UBE4B: variants seen among roughly 807,000 people sequenced by gnomAD.
UBE4B encodes ubiquitination factor E4B.
In UBE4B, 27 loss-of-function variants were observed where a neutral mutation model predicts 148.1. That is an observed-to-expected ratio of 0.18 (90% CI 0.13 to 0.25). The LOEUF is 0.25. UBE4B is among the 10% of genes least tolerant of loss of function. The pLI is 1.00. For synonymous variants in UBE4B, 596 were observed against 619.3 expected (o/e 0.96, Z 0.56); for missense variants, 1,170 against 1,662.4 (o/e 0.70, Z 5.15).
At position 10,033,238 on chromosome 1, in the gene UBE4B, A is replaced by G. The variant is rs554943659; in HGVS notation, c.-433A>G. ...ACTCTGCAGTCGACCAGTTCCCGCC[A>G]GGAGCAAAGGGTAGGAAGGAGAGCA... On this transcript the variant is annotated 5_prime_UTR_variant, in exon 1 of 28. Transcript: ENST00000343090. 2 of 155,898 alleles carry G rather than the reference A, an allele frequency of 1.3e-5. No individual in the cohort carries two copies. Among genetic ancestry groups the G allele is most frequent in the Admixed American group, 1.3e-4 (2 of 15,404 alleles). The allele number at this position is 155,898 out of a possible 1,614,324, so 9.7% of individuals were successfully genotyped here.
At chr1:10,179,133 G>T in intron 26 of UBE4B, 1 of 485,136 alleles carries the variant, frequency 2.1e-6, no homozygotes, top group Non-Finnish European at 3.6e-6. Context: ...CCAGCCTGCC[G>T]TCCTCGCCAC....
chr1:10,074,975 C>A (rs1644553467), intron 2 of UBE4B, among the ~76,000 whole-genome samples: 1 of 152,348 alleles, frequency 6.6e-6, no homozygotes, highest in East Asian at 1.9e-4. Context: ...AGGCATGTCA[C>A]AGCTAGCATG....
chr1:10,050,990 AC>A (rs1413455693), intron 1 of UBE4B, among the ~76,000 whole-genome samples: 1 of 152,092 alleles, frequency 6.6e-6, no homozygotes, highest in Non-Finnish European at 1.5e-5. Flanking sequence ...AGTCAGACAT[AC>A]TTGCAGGCTT....
At chr1:10,140,992 T>G (rs1478436182) in intron 17 of UBE4B, among the ~76,000 whole-genome samples, 1 of 152,194 alleles carries the variant, frequency 6.6e-6, no homozygotes, top group Non-Finnish European at 1.5e-5. Context: ...AGAATAATAC[T>G]GAATTCAGGG....
At chr1:10,138,101 ATT>A (rs773852548) in intron 17 of UBE4B, among the ~76,000 whole-genome samples, 59 of 132,142 alleles carry the variant, frequency 4.5e-4, no homozygotes, top group Admixed American at 4.5e-4. Flanking sequence ...CGCCTGGCCA[ATT>A]TTTTTTTTTT....
chr1:10,134,972 T>G lies in UBE4B; in HGVS notation c.2026-16T>G. On this transcript the variant is annotated splice_polypyrimidine_tract_variant and intron_variant, in intron 15 of 27. Coordinates refer to ENST00000343090, the MANE Select transcript of UBE4B (RefSeq NM_001105562.3). Reference sequence around the variant, plus strand: ...TTTTAATGTTTAAAAATACTTTTTCTTTTCAACTTTCACAGACAGATGATA... The same window carrying G: ...TTTTAATGTTTAAAAATACTTTTTCGTTTCAACTTTCACAGACAGATGATA... 6.2e-7 allele frequency: 1 copy of G among 1,609,720 alleles called. No individual in the cohort carries two copies. Among genetic ancestry groups the G allele is most frequent in the Non-Finnish European group, 8.5e-7 (1 of 1,177,724 alleles).
intron 1 of UBE4B, among the ~76,000 whole-genome samples, chr1:10,071,113 G>C (rs913256661): frequency 6.6e-6 from 1 of 151,908 alleles, no homozygotes; most frequent in African/African-American, 2.4e-5. Flanking sequence ...CACCATGTTG[G>C]TCAGGCTGTT....
intron 8 of UBE4B, among the ~76,000 whole-genome samples, chr1:10,118,412 A>G (rs1017834099): frequency 1.3e-5 from 2 of 151,926 alleles, no homozygotes. Flanking sequence ...ATCTCAGCTC[A>G]CTGCAACCTC....
At chr1:10,151,585 G>T (rs1289563814) in intron 21 of UBE4B, 24 bp downstream of exon 21, 4 of 1,598,720 alleles carry the variant, frequency 2.5e-6, no homozygotes, top group Non-Finnish European at 3.4e-6. Flanking sequence ...ACACAGTGTA[G>T]CACATGGCAG....
rs1182295555 is a variant in UBE4B at position 10,164,168 on chromosome 1, C to T, written c.3198+2882C>T. 6.6e-5 allele frequency among the ~76,000 whole-genome samples: 10 copies of T among 152,116 alleles called. No homozygotes were observed. The East Asian group carries it at 2.0e-3, about 30-fold the overall frequency. Reference sequence around the variant, plus strand: ...CCAGCCTGGCCAACATGGTGAAACCCAGTGTCTACTAAAAATACAAAATTT... The same window carrying T: ...CCAGCCTGGCCAACATGGTGAAACCTAGTGTCTACTAAAAATACAAAATTT... On this transcript the variant is annotated intron_variant, in intron 23 of 27. Coordinates refer to ENST00000343090, the MANE Select transcript of UBE4B (RefSeq NM_001105562.3).
At chr1:10,134,899 C>T (rs1003823945) in intron 15 of UBE4B, 89 bp from the exon 16 acceptor site, 19 of 1,124,526 alleles carry the variant, frequency 1.7e-5, no homozygotes, top group East Asian at 7.8e-5. Flanking sequence ...CACACCCCTT[C>T]GCTCCAGCCT....
intron 21 of UBE4B, among the ~76,000 whole-genome samples, chr1:10,152,731 G>A (rs959295055): frequency 5.3e-5 from 8 of 152,008 alleles, no homozygotes; most frequent in Non-Finnish European, 1.2e-4. Flanking sequence ...CTAGGAGGCA[G>A]AGGTTGCATT....
chr1:10,119,080 A>G (rs1485276872), intron 8 of UBE4B, among the ~76,000 whole-genome samples: 1 of 150,798 alleles, frequency 6.6e-6, no homozygotes, highest in Non-Finnish European at 1.5e-5. Context: ...ATGGGGTTTC[A>G]CCATGTTGGC....
At chr1:10,119,272 C>T (rs1420060781) in intron 8 of UBE4B, among the ~76,000 whole-genome samples, 1 of 152,146 alleles carries the variant, frequency 6.6e-6, no homozygotes, top group African/African-American at 2.4e-5. Flanking sequence ...CGCGCCTGGC[C>T]TCTAAGGTTC....
At chr1:10,177,485 G>A (rs570124146) in intron 25 of UBE4B, among the ~76,000 whole-genome samples, 2 of 152,170 alleles carry the variant, frequency 1.3e-5, no homozygotes, top group African/African-American at 2.4e-5. Context: ...GCGAGACTCC[G>A]TCTCAAAAAT....
At position 10,093,887 on chromosome 1, in the gene UBE4B, G is replaced by T. The variant is rs564358240; in HGVS notation, c.212-1574G>T. ...TTTTTGTATTTTAACTAGAAACAGG[G>T]TTTCACCACATTGGCCATGCTGGTC... On this transcript the variant is annotated intron_variant, in intron 2 of 27. Transcript: ENST00000343090. 1.6e-4 allele frequency among the ~76,000 whole-genome samples: 24 copies of T among 151,988 alleles called. No individual in the cohort carries two copies. The East Asian group carries it at 4.3e-3, about 27-fold the overall frequency.
At chr1:10,158,653 T>A (rs1053317431) in intron 22 of UBE4B, among the ~76,000 whole-genome samples, 171 bp downstream of exon 22, 1 of 152,188 alleles carries the variant, frequency 6.6e-6, no homozygotes, top group Non-Finnish European at 1.5e-5. Flanking sequence ...TAAATGGCTT[T>A]ACTTGCAAGA....
chr1:10,081,305 C>T (rs1047909816), intron 2 of UBE4B, among the ~76,000 whole-genome samples: 5 of 151,970 alleles, frequency 3.3e-5, no homozygotes, highest in African/African-American at 1.2e-4. Flanking sequence ...GATGATCTGC[C>T]CACCTCGGTC....
At chr1:10,111,553 A>G (rs1396471856) in intron 7 of UBE4B, among the ~76,000 whole-genome samples, 1 of 152,174 alleles carries the variant, frequency 6.6e-6, no homozygotes, top group Non-Finnish European at 1.5e-5. Flanking sequence ...GGTTCCGTGC[A>G]CTATTCCAGG....
Sources: gnomAD v4.1 joint callset for allele counts (sites outside exome capture counted in the v4.1 genomes callset) on GRCh38, gnomAD v4.1.1 for gene constraint, MANE v1.5 for transcripts, NCBI Gene and HGNC (gene_info 2026-07-23, HGNC 2026-07-21) for gene names.